The following ZNF83 variants were observed in gnomAD, a reference collection of about 807,000 sequenced individuals.
ZNF83 encodes the protein zinc finger protein 816B.
For missense variants in ZNF83, 552 were observed against 629.9 expected, an observed-to-expected ratio of 0.88 and a Z score of 1.32; for synonymous variants, 209 against 213.0, an observed-to-expected ratio of 0.98 and a Z score of 0.17.
intron 3 of ZNF83, chr19:52,653,203 A>G: frequency 6.5e-7 from 1 of 1,530,008 alleles, no homozygotes; most frequent in Non-Finnish European, 9.0e-7. Context: ...CTTCTGACTG[A>G]AGGTCTTGCC....
At chr19:52,620,254 C>CTCTGTGTGTGTG (rs55700493) in intron 2 of ZNF83, among the ~76,000 whole-genome samples, 8 of 134,438 alleles carry the variant, frequency 6.0e-5, no homozygotes, top group Admixed American at 2.9e-4. Flanking sequence ...GTGTGTATAT[C>CTCTGTGTGTGTG]TGTGTGTGTA....
At chr19:52,664,599 G>T (rs1259025281) in intron 1 of ZNF83, among the ~76,000 whole-genome samples, 1 of 152,120 alleles carries the variant, frequency 6.6e-6, no homozygotes, top group South Asian at 2.1e-4. Flanking sequence ...TCTGCTTCTG[G>T]GTCTGTGCCA....
chr19:52,627,369 A>AC (rs1249324600), intron 2 of ZNF83, among the ~76,000 whole-genome samples: 1 of 151,870 alleles, frequency 6.6e-6, no homozygotes, highest in African/African-American at 2.4e-5. Context: ...TAAAAAAGAA[A>AC]AACTATTGGG....
chr19:52,655,495 CA>C (rs1428756061), intron 3 of ZNF83: 6 of 1,368,698 alleles, frequency 4.4e-6, no homozygotes, highest in Non-Finnish European at 5.1e-6. Flanking sequence ...AAAGAGAATA[CA>C]AAACCAGGAA....
rs2061478186 is a variant in ZNF83, at chr19:52,654,194, T to G, written c.-74+1367A>C. The G allele has an allele frequency of 1.9e-6, 3 of 1,598,184 alleles. No homozygotes were observed. The East Asian group carries it at 6.7e-5, about 36-fold the overall frequency. Reference sequence around the variant, plus strand: ...CGTCGGTCTGTACTACCAGTCAACTTTTTGATTTTTGTCATGGGTGCTTCA... The same window carrying G: ...CGTCGGTCTGTACTACCAGTCAACTGTTTGATTTTTGTCATGGGTGCTTCA... On this transcript the variant is annotated intron_variant, in intron 3 of 5. Transcript: ENST00000594682.
chr19:52,668,279 A>AG (rs2061680774), intron 1 of ZNF83, among the ~76,000 whole-genome samples: 1 of 152,114 alleles, frequency 6.6e-6, no homozygotes, highest in Non-Finnish European at 1.5e-5. Context: ...GCAGAAAGGG[A>AG]GGGACACATC....
intron 1 of ZNF83, among the ~76,000 whole-genome samples, chr19:52,689,100 G>A (rs1029790588): frequency 6.6e-6 from 1 of 152,042 alleles, no homozygotes; most frequent in Non-Finnish European, 1.5e-5. Flanking sequence ...GCAACCCAAG[G>A]TCACAAGATA....
At chr19:52,633,840 G>A (rs1292923572) in intron 2 of ZNF83, among the ~76,000 whole-genome samples, 2 of 152,122 alleles carry the variant, frequency 1.3e-5, no homozygotes, top group Admixed American at 6.5e-5. Flanking sequence ...AACCCAAAAG[G>A]TGGAGGTTGC....
At chr19:52,635,862 G>A (rs1367398407) in intron 1 of ZNF83, 1 of 151,932 alleles carries the variant, frequency 6.6e-6, no homozygotes, top group South Asian at 2.1e-4. Flanking sequence ...GGGCTTGGTG[G>A]GCGTCTGTAA....
rs141921311 is a variant in ZNF83, at chr19:52,674,925, T to G, written c.-282-14082A>C. On this transcript the variant is annotated intron_variant, in intron 1 of 5. Coordinates refer to the ZNF83 transcript ENST00000594682. ...GCTGGGAAAAGTGGCTAACCTCTGT[T>G]GGCCAGGCTGGTCTAAAACTTCTGA... is the stretch of plus-strand genomic sequence containing the variant. Among the ~76,000 whole-genome samples the G allele has an allele frequency of 6.2e-4, 95 of 152,326 alleles. 2 individuals carry two copies. In the East Asian group the frequency reaches 0.015, roughly 23 times the overall value.
At chr19:52,654,159 C>G in intron 3 of ZNF83, 3 of 1,604,918 alleles carry the variant, frequency 1.9e-6, no homozygotes, top group South Asian at 1.1e-5. Context: ...TTCCAGCATG[C>G]CTTTGATCAC....
chr19:52,629,783 G>A (rs1252144881), intron 2 of ZNF83, among the ~76,000 whole-genome samples: 10 of 150,964 alleles, frequency 6.6e-5, no homozygotes, highest in South Asian at 2.1e-4. Flanking sequence ...TCAAAAGGCC[G>A]TCTTATTCTC....
chr19:52,620,664 G>GAA (rs2060509681), intron 2 of ZNF83, among the ~76,000 whole-genome samples: 1 of 152,160 alleles, frequency 6.6e-6, no homozygotes. Context: ...ACACAAAGAA[G>GAA]AAAACAACAG....
intron 3 of ZNF83, among the ~76,000 whole-genome samples, chr19:52,653,665 G>A (rs1003423258): frequency 6.6e-6 from 1 of 152,142 alleles, no homozygotes; most frequent in Non-Finnish European, 1.5e-5. Flanking sequence ...TTTTTCTCCA[G>A]TATGAAGTCT....
At chr19:52,663,203 C>T (rs937676261) in intron 1 of ZNF83, among the ~76,000 whole-genome samples, 2 of 152,058 alleles carry the variant, frequency 1.3e-5, no homozygotes, top group East Asian at 1.9e-4. Context: ...CTGTTATATA[C>T]CTGAGCAAAA....
At chr19:52,654,452 A>G in intron 3 of ZNF83, 1 of 708,806 alleles carries the variant, frequency 1.4e-6, no homozygotes, top group Non-Finnish European at 2.2e-6. Flanking sequence ...CAGATGGTAA[A>G]TAATATTTAA....
intron 1 of ZNF83, among the ~76,000 whole-genome samples, chr19:52,678,563 G>A (rs2061857223): frequency 6.6e-6 from 1 of 151,860 alleles, no homozygotes; most frequent in South Asian, 2.1e-4. Context: ...TCATATCCCT[G>A]GACTTTTAAA....
At chr19:52,614,170 T>G (rs1312723467) in exon 3 of ZNF83, 1 of 1,614,164 alleles carries the variant, frequency 6.2e-7, no homozygotes. Context: ...GTTTGATTTT[T>G]TATTGAAGAT....
chr19:52,681,788 G>C (rs1189662030), intron 1 of ZNF83, among the ~76,000 whole-genome samples: 1 of 152,192 alleles, frequency 6.6e-6, no homozygotes, highest in Admixed American at 6.5e-5. Context: ...AGAACATGGA[G>C]CATCCTACAA....
Sources: allele counts gnomAD v4.1 joint callset (sites outside exome capture counted in the v4.1 genomes callset), GRCh38; gene constraint gnomAD v4.1.1; transcripts MANE v1.5; gene names NCBI Gene and HGNC (gene_info 2026-07-23, HGNC 2026-07-21).